The following SPOCK3 variants were observed in gnomAD, a reference collection of about 807,000 sequenced individuals.
The protein encoded by SPOCK3 is SPARC (osteonectin), cwcv and kazal like domains proteoglycan 3, also known as testican-3.
SPOCK3 carries 30 observed loss-of-function variants against 56.6 expected under a neutral mutation model. The observed-to-expected ratio is 0.53, with a 90% CI of 0.40 to 0.72. SPOCK3 has a LOEUF of 0.72. Among genes scored for constraint, SPOCK3 ranks in the 30% least tolerant of loss-of-function variants. The pLI is 0.00. For synonymous variants in SPOCK3, 196 were observed against 183.3 expected (o/e 1.07, Z -0.56); for missense variants, 527 against 530.0 (o/e 0.99, Z 0.06).
intron 9 of SPOCK3, 115 bp downstream of exon 9, chr4:166,741,882 T>G: frequency 2.7e-6 from 2 of 731,106 alleles, no homozygotes; most frequent in Non-Finnish European, 4.6e-6. Flanking sequence ...TAAATTTTGT[T>G]GCTGAAATTT....
At chr4:166,856,804 C>A (rs527751242) in intron 6 of SPOCK3, among the ~76,000 whole-genome samples, 93 of 150,280 alleles carry the variant, frequency 6.2e-4, no homozygotes, top group Middle Eastern at 3.4e-3. Context: ...ATCTATCTAT[C>A]TATCTAGATA....
intron 3 of SPOCK3, among the ~76,000 whole-genome samples, chr4:167,042,913 A>C (rs190018812): frequency 4.6e-5 from 7 of 152,178 alleles, no homozygotes. Context: ...CTATTCACTA[A>C]TGTTTACTTA....
At chr4:167,191,669 A>C (rs527670660) in intron 2 of SPOCK3, among the ~76,000 whole-genome samples, 3 of 143,032 alleles carry the variant, frequency 2.1e-5, no homozygotes, top group South Asian at 2.2e-4. Flanking sequence ...CTTAGTTCTG[A>C]CAGTTTTTTT....
At chr4:166,971,901 G>A (rs1230576778) in intron 4 of SPOCK3, among the ~76,000 whole-genome samples, 1 of 152,024 alleles carries the variant, frequency 6.6e-6, no homozygotes, top group Non-Finnish European at 1.5e-5. Context: ...AGTATCTTTC[G>A]AATGAAGGTA....
At chr4:167,161,592 T>A (rs567813343) in intron 2 of SPOCK3, among the ~76,000 whole-genome samples, 2 of 152,246 alleles carry the variant, frequency 1.3e-5, no homozygotes, top group African/African-American at 4.8e-5. Context: ...CACGCTCACG[T>A]ATGGTTATTG....
intron 2 of SPOCK3, among the ~76,000 whole-genome samples, chr4:167,109,109 TA>T (rs1464019903): frequency 4.7e-5 from 1 of 21,420 alleles, no homozygotes; most frequent in African/African-American, 1.4e-4. Context: ...TATATTTATA[TA>T]AAAATATATA....
chr4:167,233,141 G>A (rs1418801819), intron 2 of SPOCK3, among the ~76,000 whole-genome samples: 2 of 152,170 alleles, frequency 1.3e-5, no homozygotes, highest in Non-Finnish European at 2.9e-5. Context: ...GCTTCCAGTT[G>A]TATCGTGCTC....
At chr4:166,948,025 T>C (rs1017631816) in intron 4 of SPOCK3, among the ~76,000 whole-genome samples, 2 of 152,148 alleles carry the variant, frequency 1.3e-5, no homozygotes, top group Admixed American at 6.5e-5. Flanking sequence ...CCTTCCTTCT[T>C]ACCACTTTCC....
chr4:166,791,792 T>C (rs1011143712), intron 7 of SPOCK3, among the ~76,000 whole-genome samples: 2 of 152,192 alleles, frequency 1.3e-5, no homozygotes, highest in Non-Finnish European at 2.9e-5. Context: ...AAAGTAATCT[T>C]GGAAAGGCTA....
At chr4:166,827,845 A>AT (rs1019509623) in intron 6 of SPOCK3, among the ~76,000 whole-genome samples, 11 of 151,764 alleles carry the variant, frequency 7.2e-5, no homozygotes, top group Non-Finnish European at 1.5e-4. Flanking sequence ...AGGGAAAAAA[A>AT]AAAAAACTGT....
At chr4:166,990,090 G>A (rs771914824) in intron 4 of SPOCK3, among the ~76,000 whole-genome samples, 3 of 152,174 alleles carry the variant, frequency 2.0e-5, no homozygotes, top group Non-Finnish European at 4.4e-5. Flanking sequence ...CAGGGCTAGT[G>A]GGAAGAGCTG....
intron 2 of SPOCK3, among the ~76,000 whole-genome samples, chr4:167,071,727 G>T (rs1756703815): frequency 6.6e-6 from 1 of 151,982 alleles, no homozygotes; most frequent in Admixed American, 6.6e-5. Flanking sequence ...TAATCCTTTG[G>T]ATATATACCC....
intron 6 of SPOCK3, among the ~76,000 whole-genome samples, chr4:166,875,659 T>G (rs78450743): frequency 0.046 from 7,016 of 152,238 alleles, 218 homozygotes; most frequent in South Asian, 0.079. Context: ...ATGGAAAATA[T>G]TAAATTAGAG....
At position 167,226,895 on chromosome 4, in the gene SPOCK3, G is replaced by A. The variant is rs573632737; in HGVS notation, c.189+7090C>T. Among the ~76,000 whole-genome samples, 11 of 152,126 alleles carry A rather than the reference G, an allele frequency of 7.2e-5. No homozygotes were observed. The South Asian group carries it at 2.3e-3, about 32-fold the overall frequency. On this transcript the variant is annotated intron_variant, in intron 2 of 10. Transcript: ENST00000357545. ...TCGTTACTCGGGTACTCTGATTCAG[G>A]GTCTCCTTTCTGCAGGAACTTAACC...
At chr4:167,217,150 T>A (rs1292307981) in intron 2 of SPOCK3, among the ~76,000 whole-genome samples, 4 of 152,118 alleles carry the variant, frequency 2.6e-5, no homozygotes, top group Admixed American at 2.0e-4. Flanking sequence ...TTAAAAAGAA[T>A]TAAACAAAAG....
chr4:166,841,928 A>G (rs986837591), intron 6 of SPOCK3, among the ~76,000 whole-genome samples: 3 of 152,180 alleles, frequency 2.0e-5, no homozygotes, highest in African/African-American at 7.2e-5. Flanking sequence ...GTGTGTCTGT[A>G]GTTTGTTCCT....
intron 2 of SPOCK3, among the ~76,000 whole-genome samples, chr4:167,161,327 A>T (rs1255680719): frequency 6.6e-6 from 1 of 152,188 alleles, no homozygotes; most frequent in African/African-American, 2.4e-5. Context: ...ATGCAAATCA[A>T]ATCCACAATG....
At chr4:166,847,150 C>T (rs763096156) in intron 6 of SPOCK3, among the ~76,000 whole-genome samples, 3 of 152,120 alleles carry the variant, frequency 2.0e-5, no homozygotes, top group Non-Finnish European at 4.4e-5. Flanking sequence ...TCATCCTGTA[C>T]TGCAAAAGTC....
chr4:166,976,561 CTTTA>C (rs1370107175), intron 4 of SPOCK3, among the ~76,000 whole-genome samples: 2 of 152,164 alleles, frequency 1.3e-5, no homozygotes, highest in African/African-American at 4.8e-5. Context: ...TACTTCCTTT[CTTTA>C]TTTAGGTTCT....
Sources: allele counts gnomAD v4.1 joint callset (sites outside exome capture counted in the v4.1 genomes callset), GRCh38; gene constraint gnomAD v4.1.1; transcripts MANE v1.5; gene names NCBI Gene and HGNC (gene_info 2026-07-23, HGNC 2026-07-21).